Variants in CRBN observed in about 807,000 individuals in gnomAD.
CRBN encodes protein cereblon.
A neutral mutation model predicts 62.2 loss-of-function variants in CRBN; 53 were observed. That is an observed-to-expected ratio of 0.85 (90% CI 0.68 to 1.07). The LOEUF is 1.07. CRBN is among the 50% of genes least tolerant of loss of function. The probability of loss-of-function intolerance (pLI) is 0.00; values close to 1 mark genes in which losing one functional copy is unlikely to be tolerated. For synonymous variants in CRBN, 208 were observed against 176.1 expected (o/e 1.18, Z -1.43); for missense variants, 616 against 531.1 (o/e 1.16, Z -1.57).
Position 3,152,860 on chromosome 3 carries a change from T to TA in CRBN, c.1017-274dup, listed in dbSNP as rs1575079802. 1.5e-5 allele frequency: 7 copies of TA among 467,124 alleles called. 1 individual carries two copies. The East Asian group carries it at 2.9e-4, about 19-fold the overall frequency. The allele number at this position is 467,124 out of a possible 1,614,324, so 28.9% of individuals were successfully genotyped here. ...AAAACCCTCCTCAAGACAGACATTG[T>TA]AAAGAATATAAAACTCAAATGCTTC... On this transcript the variant is annotated intron_variant, in intron 9 of 10. Transcript: ENST00000231948.
At chr3:3,153,702 T>C in intron 8 of CRBN, 2 of 614,660 alleles carry the variant, frequency 3.3e-6, no homozygotes, top group Non-Finnish European at 5.8e-6. Flanking sequence ...TAAATGACCT[T>C]CTCTAGAGTA....
rs61136338 is a variant in CRBN at position 3,153,210 on chromosome 3, G to A, written c.1016+214C>T. ...TTTCTCAGTTGTTTTACTTTACCATGCTCATTACCTGTGAATAATCCCTGA... is the reference window on the plus strand; with the variant it reads ...TTTCTCAGTTGTTTTACTTTACCATACTCATTACCTGTGAATAATCCCTGA... On this transcript the variant is annotated intron_variant, in intron 9 of 10. Transcript: ENST00000231948. 4.1e-3 allele frequency: 2,075 copies of A among 506,574 alleles called. 10 individuals are homozygous for A. The highest frequency in any genetic ancestry group is 0.017 in the African/African-American group (897 of 51,820). The allele number at this position is 506,574 out of a possible 1,614,324, so 31.4% of individuals were successfully genotyped here.
intron 1 of CRBN, 31 bp downstream of exon 1, chr3:3,179,590 C>T (rs1252182562): frequency 2.5e-6 from 4 of 1,609,610 alleles, no homozygotes; most frequent in African/African-American, 2.7e-5. Context: ...CGCCCCACTC[C>T]CGACTACAGG....
At position 3,153,756 on chromosome 3, in the gene CRBN, C is replaced by A. The variant is rs1437067457; in HGVS notation, c.951+204G>T. On this transcript the variant is annotated intron_variant, in intron 8 of 10. Transcript: ENST00000231948. ...ACCTTGGATATTTCCATGCAGAAATCAAGTTATTTTTCACTAAGTTGATAA... is the reference window on the plus strand; with the variant it reads ...ACCTTGGATATTTCCATGCAGAAATAAAGTTATTTTTCACTAAGTTGATAA... 4.8e-6 allele frequency: 3 copies of A among 619,542 alleles called. No homozygotes were observed. The Admixed American group carries it at 8.5e-5, about 18-fold the overall frequency. 38.4% of individuals were successfully genotyped at this position (619,542 alleles called of 1,614,324 possible). A position where few individuals can be genotyped will look rare whatever the true frequency, so the allele number is the denominator to read the frequency against.
intron 2 of CRBN, among the ~76,000 whole-genome samples, 164 bp from the exon 3 acceptor site, chr3:3,174,425 G>A (rs1342739141): frequency 6.6e-6 from 1 of 152,140 alleles, no homozygotes; most frequent in Non-Finnish European, 1.5e-5. Context: ...CGGATCACCT[G>A]AGGTCAGGAG....
chr3:3,152,406 C>CAATTAAGGTAA, intron 10 of CRBN, 50 bp downstream of exon 10: 1 of 1,577,802 alleles, frequency 6.3e-7, no homozygotes, highest in Non-Finnish European at 8.6e-7. Context: ...TTTTTCTGCC[C>CAATTAAGGTAA]AATTAAGGTA....
rs1293431676 is a variant in CRBN at position 3,153,584 on chromosome 3, AT to A, written c.952-97del. ...CATCAAGAAACTTACTTATAAAGAT[AT>A]TGCTCTCTCTGAATATCACATTTTC... On this transcript the variant is annotated intron_variant, in intron 8 of 10. Coordinates refer to ENST00000231948, the MANE Select transcript of CRBN (RefSeq NM_016302.4). The A allele has an allele frequency of 1.7e-5, 13 of 785,544 alleles. No homozygotes were observed. In the African/African-American group the frequency reaches 2.2e-4, roughly 13 times the overall value. The allele number at this position is 785,544 out of a possible 1,614,324, so 48.7% of individuals were successfully genotyped here.
chr3:3,172,873 A>T lies in CRBN; in HGVS notation c.430T>A (p.Tyr144Asn). 6.2e-7 allele frequency: 1 copy of T among 1,613,616 alleles called. No homozygotes were observed. Among genetic ancestry groups the T allele is most frequent in the Non-Finnish European group, 8.5e-7 (1 of 1,179,518 alleles). The change falls in exon 4 of 11, where the codon TAT becomes AAT. Residue 144 changes from tyrosine to asparagine, a missense_variant. Coordinates refer to ENST00000231948, the MANE Select transcript of CRBN (RefSeq NM_016302.4). ...ATTCCAAAATCCTGTTCTTCTCGATAGGCATATATCTCTGCTGTTGTTCCA... is the reference window on the plus strand; with the variant it reads ...ATTCCAAAATCCTGTTCTTCTCGATTGGCATATATCTCTGCTGTTGTTCCA... ...QFGTTAEIYA[Y>N]REEQDFGIEI...
At chr3:3,157,736 C>T (rs184354517) in intron 5 of CRBN, among the ~76,000 whole-genome samples, 15 of 152,278 alleles carry the variant, frequency 9.9e-5, no homozygotes, top group Admixed American at 5.2e-4. Flanking sequence ...TCGACTTCCC[C>T]GCCACTCCAA....
In CRBN at chr3:3,150,229, A is replaced by G. The variant is rs931920801; in HGVS notation, c.*636T>C. 1 of 152,574 alleles carries G rather than the reference A, an allele frequency of 6.6e-6. No individual in the cohort carries two copies. The highest frequency in any genetic ancestry group is 2.4e-5 in the African/African-American group (1 of 41,390). 9.5% of individuals were successfully genotyped at this position (152,574 alleles called of 1,614,324 possible). ...AGATACTGAGCAAATACACAATACT[A>G]CTTTTTACTAACAGGCACATAAAGG... On this transcript the variant is annotated 3_prime_UTR_variant, in exon 11 of 11. Coordinates refer to ENST00000231948, the MANE Select transcript of CRBN (RefSeq NM_016302.4).
At chr3:3,168,412 A>T (rs1707440096) in intron 4 of CRBN, among the ~76,000 whole-genome samples, 1 of 152,170 alleles carries the variant, frequency 6.6e-6, no homozygotes, top group African/African-American at 2.4e-5. Flanking sequence ...AAATGTCATA[A>T]TAAAGTCATT....
intron 10 of CRBN, among the ~76,000 whole-genome samples, 162 bp from the exon 11 acceptor site, chr3:3,151,207 T>C (rs1244710537): frequency 6.6e-6 from 1 of 152,230 alleles, no homozygotes; most frequent in African/African-American, 2.4e-5. Context: ...AAAACATTTC[T>C]AAAAACATTT....
intron 6 of CRBN, chr3:3,155,931 C>A (rs901949820): frequency 5.6e-6 from 2 of 359,480 alleles, no homozygotes; most frequent in Non-Finnish European, 1.0e-5. Context: ...CTCAGCCTCT[C>A]AAGCAGCTGG....
chr3:3,177,325 GA>G (rs1398806045), intron 1 of CRBN, among the ~76,000 whole-genome samples: 3 of 152,124 alleles, frequency 2.0e-5, no homozygotes, highest in African/African-American at 7.2e-5. Flanking sequence ...CCAGGCCCCT[GA>G]CAGAAAATAA....
chr3:3,150,952 A>C lies in CRBN; in HGVS notation c.1242T>G (p.Phe414Leu), dbSNP rs199720401. Residue 414 changes from phenylalanine to leucine, a missense_variant, in exon 11 of 11, where the codon TTT becomes TTG. Coordinates refer to ENST00000231948, the MANE Select transcript of CRBN (RefSeq NM_016302.4). Reference protein sequence around the residue: ...ATKKDMSPQKFWGLTRSALLP... With the variant: ...ATKKDMSPQKLWGLTRSALLP... ...ACAGAGCAGATCGCGTTAAGCCCCAAAATTTTTGAGGTGACATGTCTTTTT... is the reference window on the plus strand; with the variant it reads ...ACAGAGCAGATCGCGTTAAGCCCCACAATTTTTGAGGTGACATGTCTTTTT... The C allele has an allele frequency of 1.9e-6, 3 of 1,614,024 alleles. No homozygotes were observed. The highest frequency in any genetic ancestry group is 2.5e-6 in the Non-Finnish European group (3 of 1,179,982).
chr3:3,172,665 C>A (rs1046386949), intron 4 of CRBN, 111 bp downstream of exon 4: 7 of 1,112,834 alleles, frequency 6.3e-6, no homozygotes, highest in Non-Finnish European at 9.6e-6. Flanking sequence ...GGAAAGAGAA[C>A]AACTAGTTAA....
intron 4 of CRBN, 88 bp from the exon 5 acceptor site, chr3:3,167,881 A>G: frequency 1.5e-6 from 2 of 1,312,020 alleles, no homozygotes; most frequent in Non-Finnish European, 1.1e-6. Flanking sequence ...AATTTTAAAT[A>G]CCAAGATTTT....
chr3:3,176,175 C>T (rs980170893), intron 1 of CRBN, among the ~76,000 whole-genome samples: 2 of 152,152 alleles, frequency 1.3e-5, no homozygotes, highest in African/African-American at 4.8e-5. Context: ...TTTTTCTCTT[C>T]TCCCTCACCA....
intron 4 of CRBN, among the ~76,000 whole-genome samples, chr3:3,168,507 C>A (rs1707448257): frequency 6.6e-6 from 1 of 152,128 alleles, no homozygotes; most frequent in African/African-American, 2.4e-5. Flanking sequence ...TATGAGCTAT[C>A]TTCCTGTGAG....
Sources: allele counts gnomAD v4.1 joint callset (sites outside exome capture counted in the v4.1 genomes callset), GRCh38; gene constraint gnomAD v4.1.1; transcripts MANE v1.5; gene names NCBI Gene and HGNC (gene_info 2026-07-23, HGNC 2026-07-21).